Variants in TRDN observed in about 807,000 individuals in gnomAD.
TRDN encodes triadin in skeletal muscle.
Under a neutral mutation model 149.7 loss-of-function variants are expected in TRDN, and 161 were observed. The observed-to-expected ratio is 1.08, with a 90% CI of 0.95 to 1.23. TRDN has a LOEUF of 1.23. TRDN is among the 50% of genes most tolerant of loss of function. The pLI, the probability that TRDN is intolerant of heterozygous loss-of-function variation, is 0.00. For missense variants in TRDN, 896 were observed against 823.5 expected, an observed-to-expected ratio of 1.09 and a Z score of -1.08; for synonymous variants, 294 against 250.5, an observed-to-expected ratio of 1.17 and a Z score of -1.64.
intron 1 of TRDN, among the ~76,000 whole-genome samples, chr6:123,609,765 C>T (rs981513800): frequency 6.6e-6 from 1 of 152,092 alleles, no homozygotes; most frequent in African/African-American, 2.4e-5. Flanking sequence ...TACTTATGTG[C>T]TATCATGATA....
intron 21 of TRDN, among the ~76,000 whole-genome samples, chr6:123,344,647 A>C (rs1488914922): frequency 6.6e-6 from 1 of 152,000 alleles, no homozygotes; most frequent in African/African-American, 2.4e-5. Context: ...TCATTATATT[A>C]ATGTACCAGA....
intron 12 of TRDN, among the ~76,000 whole-genome samples, chr6:123,410,030 G>T (rs1773367224): frequency 6.6e-6 from 1 of 152,138 alleles, no homozygotes; most frequent in African/African-American, 2.4e-5. Context: ...AAGAGATGAA[G>T]CCAGAGAAAG....
chr6:123,466,570 G>A (rs929813778), intron 9 of TRDN, among the ~76,000 whole-genome samples: 1 of 151,636 alleles, frequency 6.6e-6, no homozygotes, highest in African/African-American at 2.4e-5. Context: ...TATAGCTGAC[G>A]AGGGACAGAG....
intron 13 of TRDN, 60 bp downstream of exon 13, chr6:123,393,564 A>G (rs1416095483): frequency 4.1e-6 from 6 of 1,480,796 alleles, no homozygotes; most frequent in African/African-American, 2.8e-5. Context: ...TGCTTTTGTC[A>G]ATAAAGTGCT....
intron 12 of TRDN, among the ~76,000 whole-genome samples, chr6:123,429,385 C>T (rs745633833): frequency 4.6e-5 from 7 of 152,120 alleles, no homozygotes; most frequent in Non-Finnish European, 1.0e-4. Flanking sequence ...TCTATACTGG[C>T]AGAATTTGCT....
At chr6:123,580,638 C>A (rs1448133217) in intron 1 of TRDN, among the ~76,000 whole-genome samples, 1 of 152,130 alleles carries the variant, frequency 6.6e-6, no homozygotes, top group African/African-American at 2.4e-5. Context: ...TTATTATACC[C>A]TTTATAAAAT....
At chr6:123,464,398 G>GTA (rs911687201) in intron 10 of TRDN, 5 of 959,602 alleles carry the variant, frequency 5.2e-6, no homozygotes, top group East Asian at 2.2e-4. Context: ...GAGTGTGTGT[G>GTA]TATATATATA....
In TRDN at chr6:123,466,333, T is replaced by A. The variant is rs374020719; in HGVS notation, c.854-1350A>T. 2.2e-4 allele frequency among the ~76,000 whole-genome samples: 34 copies of A among 152,312 alleles called. 1 individual carries two copies. In the South Asian group the frequency reaches 6.6e-3, roughly 30 times the overall value. On this transcript the variant is annotated intron_variant, in intron 9 of 40. Transcript: ENST00000334268. ...AGTGTTTACTATGTGCCAAGAATGA[T>A]CCAAATGGTTTTCCTGCATTAAGTC...
intron 33 of TRDN, among the ~76,000 whole-genome samples, chr6:123,261,814 G>C (rs916391913): frequency 6.6e-6 from 1 of 151,634 alleles, no homozygotes; most frequent in Non-Finnish European, 1.5e-5. Context: ...CCTTAATTTT[G>C]GCAATAGTGT....
chr6:123,315,975 G>A (rs1203326934), intron 24 of TRDN, among the ~76,000 whole-genome samples: 2 of 151,910 alleles, frequency 1.3e-5, no homozygotes, highest in Non-Finnish European at 2.9e-5. Flanking sequence ...TTAATTGTGT[G>A]AAAGAAAAGT....
chr6:123,592,310 G>A (rs1452547434), intron 1 of TRDN, among the ~76,000 whole-genome samples: 2 of 152,186 alleles, frequency 1.3e-5, no homozygotes, highest in Non-Finnish European at 2.9e-5. Flanking sequence ...CAGGAGAGCA[G>A]TCATTTTATT....
intron 7 of TRDN, among the ~76,000 whole-genome samples, chr6:123,511,493 A>AT (rs1040320266): frequency 2.2e-4 from 33 of 152,162 alleles, no homozygotes; most frequent in African/African-American, 7.5e-4. Context: ...AAAATAAATA[A>AT]TTTTTTAAAA....
chr6:123,542,886 GTC>G (rs779238156), intron 4 of TRDN, among the ~76,000 whole-genome samples: 7 of 143,944 alleles, frequency 4.9e-5, no homozygotes, highest in East Asian at 3.9e-4. Context: ...GTGTGTGTGT[GTC>G]TGTCTGTCTG....
chr6:123,480,102 T>C (rs1014601070), intron 9 of TRDN, among the ~76,000 whole-genome samples: 5 of 152,088 alleles, frequency 3.3e-5, no homozygotes, highest in Non-Finnish European at 7.4e-5. Flanking sequence ...GAAGTGGCTA[T>C]AGAATAAATA....
intron 3 of TRDN, among the ~76,000 whole-genome samples, chr6:123,548,133 AAAG>A (rs142968672): frequency 0.032 from 4,847 of 152,130 alleles, 108 homozygotes; most frequent in African/African-American, 0.066. Context: ...TATTTTTTCC[AAAG>A]AAGCATATAA....
chr6:123,310,357 T>C (rs569249331), intron 24 of TRDN, among the ~76,000 whole-genome samples: 1 of 152,148 alleles, frequency 6.6e-6, no homozygotes, highest in East Asian at 1.9e-4. Context: ...TTTCAAGATA[T>C]ATAAATCCAG....
At chr6:123,405,052 G>T (rs72976524) in intron 12 of TRDN, among the ~76,000 whole-genome samples, 9,089 of 152,236 alleles carry the variant, frequency 0.06, 398 homozygotes, top group Non-Finnish European at 0.093. Context: ...TGCTTCTGGA[G>T]CCCACATCTT....
intron 1 of TRDN, among the ~76,000 whole-genome samples, chr6:123,584,346 G>T (rs941464512): frequency 3.3e-5 from 5 of 152,068 alleles, no homozygotes; most frequent in Admixed American, 6.5e-5. Flanking sequence ...TGATTTTGAC[G>T]GCCTCTAAAA....
intron 1 of TRDN, among the ~76,000 whole-genome samples, chr6:123,590,630 C>T (rs1168071039): frequency 1.3e-5 from 2 of 151,944 alleles, no homozygotes; most frequent in African/African-American, 2.4e-5. Context: ...GGGTGTGTGG[C>T]ACATGCCTAT....
Sources: allele counts gnomAD v4.1 joint callset (sites outside exome capture counted in the v4.1 genomes callset), GRCh38; gene constraint gnomAD v4.1.1; transcripts MANE v1.5; gene names NCBI Gene and HGNC (gene_info 2026-07-23, HGNC 2026-07-21).